Variants in HPSE2 observed in about 807,000 individuals in gnomAD.
HPSE2 encodes inactive heparanase-2.
HPSE2 carries 38 observed loss-of-function variants against 60.5 expected under a neutral mutation model. That is an observed-to-expected ratio of 0.63 (90% CI 0.48 to 0.82). The LOEUF (loss-of-function observed/expected upper bound fraction) is 0.82. HPSE2 is among the 40% of genes least tolerant of loss of function. The probability of loss-of-function intolerance (pLI) is 0.00; values close to 1 mark genes in which losing one functional copy is unlikely to be tolerated. For synonymous variants in HPSE2, 295 were observed against 293.2 expected (o/e 1.01, Z -0.06); for missense variants, 713 against 740.4 (o/e 0.96, Z 0.43).
chr10:98,821,409 A>G (rs1374279249), intron 3 of HPSE2, among the ~76,000 whole-genome samples: 11 of 152,230 alleles, frequency 7.2e-5, no homozygotes, highest in African/African-American at 2.7e-4. Flanking sequence ...GTATATTTAA[A>G]CATATCTCAA....
chr10:99,012,790 C>T lies in HPSE2; in HGVS notation c.610+131448G>A, dbSNP rs1250983097. The stretch of plus-strand genomic sequence containing the variant: ...AGGGAGGGTTATACTGATAATAAAG[C>T]TCTCAAAATTCAAAATGTCTTCCTC... On this transcript the variant is annotated intron_variant, in intron 3 of 11. Coordinates refer to ENST00000370552, the MANE Select transcript of HPSE2 (RefSeq NM_021828.5). 2.6e-5 allele frequency among the ~76,000 whole-genome samples: 4 copies of T among 152,148 alleles called. No homozygotes were observed. The East Asian group carries it at 7.7e-4, about 29-fold the overall frequency.
chr10:98,919,609 A>G (rs985148990), intron 3 of HPSE2, among the ~76,000 whole-genome samples: 4 of 152,206 alleles, frequency 2.6e-5, no homozygotes, highest in South Asian at 2.1e-4. Context: ...TAAAATTAAC[A>G]ATCATTTTAG....
intron 3 of HPSE2, among the ~76,000 whole-genome samples, chr10:98,782,912 A>ATTTTTTTTTTTT (rs1039514719): frequency 7.3e-5 from 3 of 41,056 alleles, no homozygotes; most frequent in East Asian, 6.7e-4. Flanking sequence ...CTGTTTGTTT[A>ATTTTTTTTTTTT]TTTTTTTTTT....
At chr10:99,176,259 A>G (rs1269867688) in intron 2 of HPSE2, among the ~76,000 whole-genome samples, 1 of 152,200 alleles carries the variant, frequency 6.6e-6, no homozygotes, top group Non-Finnish European at 1.5e-5. Flanking sequence ...ACAAAACTGG[A>G]TGGAGAATGA....
intron 6 of HPSE2, among the ~76,000 whole-genome samples, chr10:98,686,763 CTT>C (rs908741245): frequency 1.3e-5 from 2 of 152,034 alleles, no homozygotes; most frequent in Non-Finnish European, 2.9e-5. Context: ...TAATACCTAA[CTT>C]AGTTTCTTTG....
intron 9 of HPSE2, among the ~76,000 whole-genome samples, chr10:98,564,184 C>T (rs610884): frequency 0.85 from 129,295 of 152,164 alleles, 56,203 homozygotes; most frequent in East Asian, 1. Context: ...TCTGCCTTTG[C>T]TTAAATGAAA....
chr10:98,561,055 T>C (rs1255569044), intron 9 of HPSE2, among the ~76,000 whole-genome samples: 1 of 152,178 alleles, frequency 6.6e-6, no homozygotes, highest in Non-Finnish European at 1.5e-5. Context: ...CCAGGAGGTA[T>C]TCCAGAAGAA....
intron 3 of HPSE2, among the ~76,000 whole-genome samples, chr10:99,021,460 T>C (rs1957260807): frequency 6.6e-6 from 1 of 152,214 alleles, no homozygotes. Context: ...TCAAAGCTCA[T>C]GTTCCTGGTC....
chr10:98,545,155 A>G (rs1233735452), intron 9 of HPSE2, among the ~76,000 whole-genome samples: 2 of 152,160 alleles, frequency 1.3e-5, no homozygotes, highest in Non-Finnish European at 2.9e-5. Context: ...AATTGTGGCA[A>G]TAATCAATAG....
intron 3 of HPSE2, among the ~76,000 whole-genome samples, chr10:98,942,665 C>CA (rs1955047056): frequency 6.6e-6 from 1 of 152,176 alleles, no homozygotes; most frequent in Admixed American, 6.5e-5. Flanking sequence ...TTGTAGAAGT[C>CA]AGTGTGGCGA....
intron 3 of HPSE2, among the ~76,000 whole-genome samples, chr10:98,960,697 A>C (rs1263663974): frequency 4.0e-5 from 2 of 49,874 alleles, no homozygotes; most frequent in Admixed American, 2.2e-4. Flanking sequence ...AACTATGTAC[A>C]TTTCTTTTTT....
chr10:98,737,411 C>T (rs1431333977), intron 4 of HPSE2, among the ~76,000 whole-genome samples: 2 of 138,578 alleles, frequency 1.4e-5, no homozygotes, highest in African/African-American at 2.6e-5. Context: ...CACTTCATCT[C>T]ATTGGGACTG....
At chr10:99,296,371 G>A in the HPSE2 span, among the ~76,000 whole-genome samples, 2 of 152,114 alleles carry the variant, frequency 1.3e-5, no homozygotes, top group East Asian at 1.9e-4. Flanking sequence ...CCAACATGCC[G>A]TTTCAATTTA....
At chr10:98,667,934 A>C (rs1947410222) in intron 6 of HPSE2, among the ~76,000 whole-genome samples, 1 of 152,214 alleles carries the variant, frequency 6.6e-6, no homozygotes, top group Non-Finnish European at 1.5e-5. Context: ...AGCTAGAGCA[A>C]TCAGGCAAGA....
chr10:98,560,411 C>T (rs1439074270), intron 9 of HPSE2, among the ~76,000 whole-genome samples: 1 of 152,254 alleles, frequency 6.6e-6, no homozygotes, highest in Non-Finnish European at 1.5e-5. Context: ...CGCAAAGCCA[C>T]ACAGTACATG....
chr10:98,665,724 C>T (rs1947345563), intron 6 of HPSE2, among the ~76,000 whole-genome samples: 1 of 152,156 alleles, frequency 6.6e-6, no homozygotes, highest in Non-Finnish European at 1.5e-5. Context: ...CCTTCTCAGA[C>T]AACCAAACAG....
At chr10:99,047,577 G>A in intron 3 of HPSE2, 3 of 583,736 alleles carry the variant, frequency 5.1e-6, no homozygotes, top group Admixed American at 3.0e-5. Context: ...ATATGCCAAG[G>A]TCTAATAGCC....
intron 9 of HPSE2, among the ~76,000 whole-genome samples, chr10:98,552,017 C>G (rs1943878310): frequency 6.6e-6 from 1 of 152,046 alleles, no homozygotes; most frequent in South Asian, 2.1e-4. Context: ...AGGGCAAAGA[C>G]AGCAGGGAAA....
intron 2 of HPSE2, among the ~76,000 whole-genome samples, chr10:99,180,960 A>C (rs1047100631): frequency 6.6e-6 from 1 of 150,926 alleles, no homozygotes; most frequent in Admixed American, 6.6e-5. Flanking sequence ...GAACACTTTT[A>C]CACTGTTGGT....
Sources: allele counts gnomAD v4.1 joint callset (sites outside exome capture counted in the v4.1 genomes callset), GRCh38; gene constraint gnomAD v4.1.1; transcripts MANE v1.5; gene names NCBI Gene and HGNC (gene_info 2026-07-23, HGNC 2026-07-21).